The following RARB variants were observed in gnomAD, a reference collection of about 807,000 sequenced individuals.
The protein encoded by RARB is HBV-activated protein.
RARB carries 17 observed loss-of-function variants against 51.9 expected under a neutral mutation model. The ratio of observed to expected loss-of-function variants is 0.33; its 90% CI spans 0.22 to 0.49. The LOEUF is 0.49. RARB is among the 20% of genes least tolerant of loss of function. The probability of loss-of-function intolerance (pLI) is 0.99; values close to 1 mark genes in which losing one functional copy is unlikely to be tolerated. For synonymous variants in RARB, 215 were observed against 195.4 expected, an observed-to-expected ratio of 1.10 and a Z score of -0.84; for missense variants, 369 against 550.8, an observed-to-expected ratio of 0.67 and a Z score of 3.30.
intron 5 of RARB, among the ~76,000 whole-genome samples, chr3:25,334,712 A>G (rs1478853483): frequency 9.2e-5 from 14 of 152,136 alleles, no homozygotes; most frequent in Non-Finnish European, 1.8e-4. Flanking sequence ...TAATGTAAAA[A>G]TAAATAAATA....
At chr3:24,943,616 A>T (rs1575083725) in intron 2 of RARB, among the ~76,000 whole-genome samples, 1 of 152,324 alleles carries the variant, frequency 6.6e-6, no homozygotes, top group African/African-American at 2.4e-5. Context: ...TTTTGAGCAG[A>T]TGTTAACAGG....
At chr3:25,333,338 A>G (rs1420033577) in intron 5 of RARB, among the ~76,000 whole-genome samples, 1 of 152,182 alleles carries the variant, frequency 6.6e-6, no homozygotes, top group African/African-American at 2.4e-5. Flanking sequence ...CATATAGACC[A>G]ATGGAAAAGA....
chr3:25,277,090 A>G (rs1703407673), intron 5 of RARB, among the ~76,000 whole-genome samples: 1 of 152,204 alleles, frequency 6.6e-6, no homozygotes. Flanking sequence ...GCCTATACCC[A>G]CGTATTACTG....
At chr3:25,575,610 T>C (rs1416279117) in intron 4 of RARB, among the ~76,000 whole-genome samples, 2 of 152,180 alleles carry the variant, frequency 1.3e-5, no homozygotes, top group African/African-American at 2.4e-5. Flanking sequence ...CGTCTTCTCA[T>C]GGTCATCTTC....
At chr3:25,224,323 T>C (rs985481638) in intron 5 of RARB, among the ~76,000 whole-genome samples, 1 of 152,170 alleles carries the variant, frequency 6.6e-6, no homozygotes, top group Non-Finnish European at 1.5e-5. Context: ...TGTTGAGTGA[T>C]ACTTTAGAGC....
At chr3:25,102,134 T>TCC (rs1479362548) in intron 3 of RARB, among the ~76,000 whole-genome samples, 1 of 152,096 alleles carries the variant, frequency 6.6e-6, no homozygotes, top group African/African-American at 2.4e-5. Flanking sequence ...GGGCCAGAGC[T>TCC]CCCTAAGCAT....
intron 3 of RARB, 40 bp from the exon 4 acceptor site, chr3:25,569,718 C>G: frequency 6.3e-7 from 1 of 1,593,212 alleles, no homozygotes; most frequent in South Asian, 1.1e-5. Flanking sequence ...ACAGGCCCAG[C>G]CTTCAGCGAC....
chr3:24,911,949 G>A (rs1052527033), intron 2 of RARB, among the ~76,000 whole-genome samples: 1 of 152,188 alleles, frequency 6.6e-6, no homozygotes. Flanking sequence ...CTTAATGTTG[G>A]TGACAACACA....
chr3:24,919,997 A>T (rs955972328), intron 2 of RARB, among the ~76,000 whole-genome samples: 6 of 152,228 alleles, frequency 3.9e-5, no homozygotes, highest in Non-Finnish European at 8.8e-5. Context: ...GACACTGCTT[A>T]TTGAGTTAAA....
At chr3:25,284,376 A>G (rs758785244) in intron 5 of RARB, among the ~76,000 whole-genome samples, 74 of 152,068 alleles carry the variant, frequency 4.9e-4, no homozygotes, top group Non-Finnish European at 6.6e-4. Flanking sequence ...TGTTGTTTGA[A>G]GCCATTCAGC....
intron 5 of RARB, among the ~76,000 whole-genome samples, chr3:25,219,239 A>G (rs1364196962): frequency 6.8e-6 from 1 of 146,294 alleles, no homozygotes; most frequent in East Asian, 2.0e-4. Flanking sequence ...CTTGAAAGGA[A>G]ATTGATAAAG....
At chr3:24,933,101 T>C (rs2125394703) in intron 2 of RARB, among the ~76,000 whole-genome samples, 1 of 152,196 alleles carries the variant, frequency 6.6e-6, no homozygotes, top group Middle Eastern at 3.4e-3. Context: ...GGAGAAAACA[T>C]AATTCAGCAG....
intron 3 of RARB, among the ~76,000 whole-genome samples, chr3:25,104,254 G>C (rs1699457105): frequency 6.6e-6 from 1 of 152,172 alleles, no homozygotes; most frequent in Non-Finnish European, 1.5e-5. Context: ...GGTGCAACCA[G>C]AGCACCCATA....
At chr3:25,016,166 A>G (rs1697503890) in intron 2 of RARB, among the ~76,000 whole-genome samples, 2 of 152,202 alleles carry the variant, frequency 1.3e-5, no homozygotes, top group African/African-American at 2.4e-5. Context: ...TGGAAGTGCT[A>G]GTATTATTGT....
intron 5 of RARB, among the ~76,000 whole-genome samples, chr3:25,412,646 A>G (rs887772215): frequency 2.6e-5 from 4 of 152,250 alleles, no homozygotes; most frequent in Non-Finnish European, 4.4e-5. Context: ...ATAGAAAGGA[A>G]TACATAAATC....
chr3:25,107,301 C>G (rs74794750), intron 3 of RARB, among the ~76,000 whole-genome samples: 8 of 152,120 alleles, frequency 5.3e-5, no homozygotes, highest in African/African-American at 1.2e-4. Context: ...GTTTTCTTCC[C>G]CTAGTCGAAT....
intron 3 of RARB, among the ~76,000 whole-genome samples, chr3:25,539,719 G>A (rs1043910753): frequency 2.6e-5 from 4 of 151,654 alleles, no homozygotes; most frequent in African/African-American, 4.9e-5. Flanking sequence ...CCAGAGTACA[G>A]GAAAATGATC....
At chr3:25,020,887 T>A (rs547901794) in intron 2 of RARB, among the ~76,000 whole-genome samples, 1 of 152,186 alleles carries the variant, frequency 6.6e-6, no homozygotes, top group Non-Finnish European at 1.5e-5. Context: ...GAGAATTGCT[T>A]GAGCCAGGGA....
chr3:25,052,488 T>C (rs2125300275), intron 2 of RARB, among the ~76,000 whole-genome samples: 1 of 152,352 alleles, frequency 6.6e-6, no homozygotes, highest in East Asian at 1.9e-4. Flanking sequence ...TAAAAATTGT[T>C]TTTTCTTCAT....
Sources: gnomAD v4.1 joint callset for allele counts (sites outside exome capture counted in the v4.1 genomes callset) on GRCh38, gnomAD v4.1.1 for gene constraint, MANE v1.5 for transcripts, NCBI Gene and HGNC (gene_info 2026-07-23, HGNC 2026-07-21) for gene names.